The following HSPA12A variants were observed in gnomAD, a reference collection of about 807,000 sequenced individuals.
HSPA12A encodes the protein heat shock 70 kDa protein 12A.
In HSPA12A, 28 loss-of-function variants were observed where a neutral mutation model predicts 69.2. The ratio of observed to expected loss-of-function variants is 0.40; its 90% confidence interval spans 0.30 to 0.55. The LOEUF is 0.55. Among genes scored for constraint, HSPA12A ranks in the 20% least tolerant of loss-of-function variants. The pLI is 0.38. For missense variants in HSPA12A, 686 were observed against 900.7 expected, an observed-to-expected ratio of 0.76 and a Z score of 3.05; for synonymous variants, 345 against 370.5, an observed-to-expected ratio of 0.93 and a Z score of 0.79.
rs1317629465 is a variant in HSPA12A at position 116,671,744 on chromosome 10, A to G, written c.*3037T>C. The stretch of plus-strand genomic sequence containing the variant: ...TGTACGGAAAGGGCAGTTACAAAGG[A>G]AAGCCTTGATGATTCTGCTTCCAAG... On this transcript the variant is annotated 3_prime_UTR_variant, in exon 12 of 12. Coordinates refer to ENST00000369209, the MANE Select transcript of HSPA12A (RefSeq NM_025015.3). 1 of 152,656 alleles carries G rather than the reference A, an allele frequency of 6.6e-6. No homozygotes were observed. Among genetic ancestry groups the G allele is most frequent in the African/African-American group, 2.4e-5 (1 of 41,450 alleles). 9.5% of individuals were successfully genotyped at this position (152,656 alleles called of 1,614,324 possible). A position where few individuals can be genotyped will look rare whatever the true frequency, so the allele number is the denominator to read the frequency against.
At chr10:116,795,999 T>A (rs1844815063) in intron 2 of HSPA12A, among the ~76,000 whole-genome samples, 2 of 150,020 alleles carry the variant, frequency 1.3e-5, no homozygotes, top group Admixed American at 6.7e-5. Context: ...ACAAAAAAAA[T>A]TAGCCGGGCG....
chr10:116,714,647 C>T (rs543585586), intron 1 of HSPA12A, among the ~76,000 whole-genome samples: 126 of 152,314 alleles, frequency 8.3e-4, no homozygotes, highest in Non-Finnish European at 1.6e-3. Flanking sequence ...CTAACTCAAC[C>T]TTGTCAGGGT....
rs1844148263 is a variant in HSPA12A, at chr10:116,769,372, A to G, written c.92-62087T>C. 2.0e-5 allele frequency among the ~76,000 whole-genome samples: 3 copies of G among 152,232 alleles called. No individual in the cohort carries two copies. In the South Asian group the frequency reaches 6.2e-4, roughly 31 times the overall value. On this transcript the variant is annotated intron_variant, in intron 2 of 12. Transcript: ENST00000635765. ...GGAAACAAAGGCTTAGAGAAAGTCA[A>G]GCACCCAGCTGCCAAGCAGTGGGGT...
chr10:116,837,833 T>C (rs942537893), intron 1 of HSPA12A, among the ~76,000 whole-genome samples: 1 of 152,142 alleles, frequency 6.6e-6, no homozygotes, highest in African/African-American at 2.4e-5. Flanking sequence ...AAAAATTCTT[T>C]AAATCTAAGC....
intron 1 of HSPA12A, among the ~76,000 whole-genome samples, chr10:116,717,353 G>C (rs1850638084): frequency 6.6e-6 from 1 of 152,184 alleles, no homozygotes; most frequent in South Asian, 2.1e-4. Context: ...GCTGGAGGAA[G>C]TCAGGAGTCA....
At chr10:116,838,024 C>T (rs1185085102) in intron 1 of HSPA12A, among the ~76,000 whole-genome samples, 1 of 151,738 alleles carries the variant, frequency 6.6e-6, no homozygotes, top group Non-Finnish European at 1.5e-5. Context: ...AACTAATAAC[C>T]CCAAAAGTTC....
chr10:116,810,967 CA>C (rs1357547503), intron 2 of HSPA12A, among the ~76,000 whole-genome samples: 1 of 151,982 alleles, frequency 6.6e-6, no homozygotes, highest in Non-Finnish European at 1.5e-5. Context: ...TTCTATAAAC[CA>C]AAAAACAACA....
chr10:116,706,506 C>T (rs1359033903), intron 2 of HSPA12A, among the ~76,000 whole-genome samples: 2 of 152,172 alleles, frequency 1.3e-5, no homozygotes, highest in Non-Finnish European at 2.9e-5. Context: ...GGCATCCCTG[C>T]CTAGCAGTGA....
chr10:116,849,784 C>T, upstream of HSPA12A: 1 of 1,462,388 alleles, frequency 6.8e-7, no homozygotes, highest in East Asian at 2.5e-5. Context: ...CCCCCCGCCC[C>T]GCGCTGCGGC....
chr10:116,734,907 G>A (rs1490270677), intron 1 of HSPA12A, among the ~76,000 whole-genome samples: 1 of 152,036 alleles, frequency 6.6e-6, no homozygotes, highest in Admixed American at 6.5e-5. Flanking sequence ...CAGGAGACTG[G>A]CATGAACCCG....
chr10:116,835,151 T>G, intron 1 of HSPA12A: 2 of 430,666 alleles, frequency 4.6e-6, no homozygotes, highest in Non-Finnish European at 7.4e-6. Flanking sequence ...AGCAAAGATT[T>G]AGGTGGGCGC....
At chr10:116,850,416 G>C (rs568829147), upstream of HSPA12A, among the ~76,000 whole-genome samples, 1 of 152,050 alleles carries the variant, frequency 6.6e-6, no homozygotes, top group South Asian at 2.1e-4. Flanking sequence ...TCACCTTCCG[G>C]GTCTCTGCCC....
chr10:116,743,722 C>T (rs988550764), upstream of HSPA12A, among the ~76,000 whole-genome samples: 2 of 150,646 alleles, frequency 1.3e-5, no homozygotes, highest in South Asian at 2.1e-4. Flanking sequence ...TTATGGATGA[C>T]GGAATGGGCA....
chr10:116,680,151 G>A (rs1472766974), intron 9 of HSPA12A, among the ~76,000 whole-genome samples: 1 of 151,904 alleles, frequency 6.6e-6, no homozygotes, highest in East Asian at 1.9e-4. Context: ...CACCATGCCC[G>A]GCTAATTTTT....
chr10:116,766,682 G>T (rs550162368), intron 2 of HSPA12A, among the ~76,000 whole-genome samples: 1 of 152,104 alleles, frequency 6.6e-6, no homozygotes, highest in Non-Finnish European at 1.5e-5. Flanking sequence ...GCTTGGCATG[G>T]CTCATGGGAA....
At chr10:116,785,766 C>T (rs1418623311) in intron 2 of HSPA12A, among the ~76,000 whole-genome samples, 1 of 152,146 alleles carries the variant, frequency 6.6e-6, no homozygotes, top group Non-Finnish European at 1.5e-5. Flanking sequence ...GGAATGGTCT[C>T]AGCCATCCAC....
chr10:116,784,840 T>C (rs1428925496), intron 2 of HSPA12A, among the ~76,000 whole-genome samples: 1 of 152,070 alleles, frequency 6.6e-6, no homozygotes, highest in Non-Finnish European at 1.5e-5. Flanking sequence ...CCGTCTGGGG[T>C]TGAGCCTGTA....
At chr10:116,783,697 G>T (rs925624515) in intron 2 of HSPA12A, among the ~76,000 whole-genome samples, 3 of 152,184 alleles carry the variant, frequency 2.0e-5, no homozygotes, top group Non-Finnish European at 2.9e-5. Flanking sequence ...GAACAGAATG[G>T]TGTGTTAGTA....
At chr10:116,729,956 A>G (rs1851101110) in intron 1 of HSPA12A, among the ~76,000 whole-genome samples, 1 of 152,226 alleles carries the variant, frequency 6.6e-6, no homozygotes, top group African/African-American at 2.4e-5. Context: ...GTGGTGGCTT[A>G]CGCCTGTAAT....
Sources: gnomAD v4.1 joint callset for allele counts (sites outside exome capture counted in the v4.1 genomes callset) on GRCh38, gnomAD v4.1.1 for gene constraint, MANE v1.5 for transcripts, NCBI Gene and HGNC (gene_info 2026-07-23, HGNC 2026-07-21) for gene names.